Variants in PRDM6 observed in about 807,000 individuals in gnomAD.
PRDM6 encodes PR/SET domain 6.
A neutral mutation model predicts 60.8 loss-of-function variants in PRDM6; 25 were observed. The observed-to-expected ratio is 0.41, with a 90% confidence interval of 0.30 to 0.57. The LOEUF is 0.57. Among genes scored for constraint, PRDM6 ranks in the 20% least tolerant of loss-of-function variants. The probability of loss-of-function intolerance (pLI) is 0.27; values close to 1 mark genes in which losing one functional copy is unlikely to be tolerated. For missense variants in PRDM6, 839 were observed against 821.3 expected (o/e 1.02, Z -0.26); for synonymous variants, 407 against 357.4 (o/e 1.14, Z -1.57).
chr5:123,115,658 A>AT (rs1764423350), intron 3 of PRDM6, among the ~76,000 whole-genome samples: 1 of 152,214 alleles, frequency 6.6e-6, no homozygotes, highest in Non-Finnish European at 1.5e-5. Flanking sequence ...AAATTCATAG[A>AT]TGAAAGCATG....
At chr5:123,183,603 G>A (rs975656038) in intron 7 of PRDM6, among the ~76,000 whole-genome samples, 4 of 152,098 alleles carry the variant, frequency 2.6e-5, no homozygotes, top group African/African-American at 9.7e-5. Flanking sequence ...GAGCATGTAC[G>A]AAAAATAAAA....
chr5:123,157,356 T>C (rs1277627795), intron 4 of PRDM6, among the ~76,000 whole-genome samples: 1 of 152,162 alleles, frequency 6.6e-6, no homozygotes, highest in Non-Finnish European at 1.5e-5. Context: ...GCTAGAAAAT[T>C]AGTGAAGATT....
At position 123,182,943 on chromosome 5, in the gene PRDM6, C is replaced by T. The variant is rs147745393; in HGVS notation, c.1673+2620C>T. On this transcript the variant is annotated intron_variant, in intron 7 of 7. Coordinates refer to ENST00000407847, the MANE Select transcript of PRDM6 (RefSeq NM_001136239.4). ...AGTTAAATCCTTTAGTGTATACAAC[C>T]AGGTCTTTCAGAATTGATCTATCCC... Among the ~76,000 whole-genome samples, 664 of 152,280 alleles carry T rather than the reference C, an allele frequency of 4.4e-3. 4 individuals are homozygous for T. Among genetic ancestry groups the T allele is most frequent in the African/African-American group, 0.014 (583 of 41,560 alleles).
At chr5:123,126,954 C>T (rs1477030124) in intron 3 of PRDM6, among the ~76,000 whole-genome samples, 1 of 151,974 alleles carries the variant, frequency 6.6e-6, no homozygotes, top group African/African-American at 2.4e-5. Context: ...TTGTTGTTGC[C>T]CTGGTGCAAA....
At position 123,193,760 on chromosome 5, in the gene PRDM6, G is replaced by A. The variant is rs1264478029; in HGVS notation, c.*6559G>A. ...TTCTGTAGGATGCTAATAGAAGTGT[G>A]ATATTTAGATGCTATTAGGACATTG... On this transcript the variant is annotated 3_prime_UTR_variant, in exon 8 of 8. Coordinates refer to ENST00000407847, the MANE Select transcript of PRDM6 (RefSeq NM_001136239.4). 1.3e-5 allele frequency: 2 copies of A among 152,174 alleles called. No homozygotes were observed. The highest frequency in any genetic ancestry group is 2.9e-5 in the Non-Finnish European group (2 of 68,036). 9.4% of individuals were successfully genotyped at this position (152,174 alleles called of 1,614,324 possible).
intron 3 of PRDM6, among the ~76,000 whole-genome samples, chr5:123,138,028 C>CT (rs1554088091): frequency 6.4e-5 from 1 of 15,590 alleles, no homozygotes; most frequent in African/African-American, 1.7e-4. Flanking sequence ...TCTGGGTTCA[C>CT]CCCCGCACCT....
intron 3 of PRDM6, among the ~76,000 whole-genome samples, chr5:123,128,374 C>T (rs1304185813): frequency 1.3e-5 from 2 of 152,192 alleles, no homozygotes; most frequent in Non-Finnish European, 2.9e-5. Flanking sequence ...AACTAATTTA[C>T]ACTCCCACCA....
At chr5:123,156,337 C>T (rs553705738) in intron 4 of PRDM6, among the ~76,000 whole-genome samples, 3 of 152,268 alleles carry the variant, frequency 2.0e-5, no homozygotes, top group African/African-American at 4.8e-5. Flanking sequence ...CCCAAGCAGT[C>T]GTCTTCACAC....
At chr5:123,185,013 A>G (rs4836494) in intron 7 of PRDM6, among the ~76,000 whole-genome samples, 47,424 of 152,082 alleles carry the variant, frequency 0.31, 7,668 homozygotes, top group East Asian at 0.59. Flanking sequence ...TATATATTGG[A>G]CAAATTTTCT....
chr5:123,103,793 T>C (rs1254226047), intron 3 of PRDM6, among the ~76,000 whole-genome samples: 2 of 152,076 alleles, frequency 1.3e-5, no homozygotes, highest in African/African-American at 4.8e-5. Flanking sequence ...CAGTTTAAGA[T>C]AGGCTAGAAT....
chr5:123,124,776 T>C (rs1343211891), intron 3 of PRDM6, among the ~76,000 whole-genome samples: 2 of 152,204 alleles, frequency 1.3e-5, no homozygotes, highest in Non-Finnish European at 2.9e-5. Flanking sequence ...TATTAATTTA[T>C]TGGCCTATGT....
intron 3 of PRDM6, among the ~76,000 whole-genome samples, chr5:123,125,649 A>T (rs761170060): frequency 6.6e-6 from 1 of 152,214 alleles, no homozygotes; most frequent in Non-Finnish European, 1.5e-5. Context: ...TGGAATTAGG[A>T]TTAAGGAAGA....
chr5:123,116,020 T>C (rs1331575504), intron 3 of PRDM6, among the ~76,000 whole-genome samples: 1 of 152,238 alleles, frequency 6.6e-6, no homozygotes, highest in African/African-American at 2.4e-5. Context: ...CACTTTTTAA[T>C]TTACAAGAGA....
At chr5:123,183,961 A>G (rs1472203236) in intron 7 of PRDM6, among the ~76,000 whole-genome samples, 1 of 152,186 alleles carries the variant, frequency 6.6e-6, no homozygotes, top group African/African-American at 2.4e-5. Context: ...TTATTGTTAG[A>G]AGCAAGGAGA....
At chr5:123,155,656 A>G (rs1045931309) in intron 3 of PRDM6, among the ~76,000 whole-genome samples, 1 of 152,226 alleles carries the variant, frequency 6.6e-6, no homozygotes, top group East Asian at 1.9e-4. Context: ...TACCACAAAT[A>G]TGTTTAATAC....
At chr5:123,117,173 G>T (rs1263703710) in intron 3 of PRDM6, among the ~76,000 whole-genome samples, 1 of 152,096 alleles carries the variant, frequency 6.6e-6, no homozygotes, top group East Asian at 1.9e-4. Context: ...AGGACTGCCC[G>T]GCAACCCAAC....
At chr5:123,090,795 G>A (rs1027330601) in intron 2 of PRDM6, among the ~76,000 whole-genome samples, 189 bp downstream of exon 2, 3 of 152,196 alleles carry the variant, frequency 2.0e-5, no homozygotes, top group African/African-American at 7.2e-5. Flanking sequence ...GTTGGAGAAG[G>A]AAAGAGAACG....
intron 4 of PRDM6, among the ~76,000 whole-genome samples, chr5:123,156,311 G>T (rs879409784): frequency 2.0e-5 from 3 of 152,168 alleles, no homozygotes; most frequent in Non-Finnish European, 2.9e-5. Flanking sequence ...CAAACCCACT[G>T]ACTTGGGGTG....
intron 3 of PRDM6, among the ~76,000 whole-genome samples, chr5:123,123,290 G>A (rs1764621976): frequency 6.6e-6 from 1 of 152,140 alleles, no homozygotes; most frequent in African/African-American, 2.4e-5. Context: ...TCACACCTAA[G>A]GATCCAGTAT....
Sources: allele counts gnomAD v4.1 joint callset (sites outside exome capture counted in the v4.1 genomes callset), GRCh38; gene constraint gnomAD v4.1.1; transcripts MANE v1.5; gene names NCBI Gene and HGNC (gene_info 2026-07-23, HGNC 2026-07-21).